Variants in DPYS observed in about 807,000 individuals in gnomAD.
DPYS encodes dihydropyrimidinase, also known as dihydropyrimidine amidohydrolase.
In DPYS, 39 loss-of-function variants were observed where a neutral mutation model predicts 50.3. The observed-to-expected ratio is 0.78, with a 90% CI of 0.60 to 1.01. The LOEUF (loss-of-function observed/expected upper bound fraction) is 1.01. Ranked by LOEUF, DPYS falls within the 50% of genes least tolerant of loss-of-function variation. The probability of loss-of-function intolerance (pLI) is 0.00; values close to 1 mark genes in which losing one functional copy is unlikely to be tolerated. For synonymous variants in DPYS, 245 were observed against 250.7 expected (o/e 0.98, Z 0.22); for missense variants, 659 against 680.9 (o/e 0.97, Z 0.36).
chr8:104,448,301 G>A (rs1026411337), intron 2 of DPYS, among the ~76,000 whole-genome samples: 9 of 151,872 alleles, frequency 5.9e-5, no homozygotes, highest in African/African-American at 9.7e-5. Context: ...GATTACAGGC[G>A]TGCACCACCA....
intron 1 of DPYS, among the ~76,000 whole-genome samples, chr8:104,461,216 C>A (rs1173729634): frequency 6.6e-6 from 1 of 150,924 alleles, no homozygotes; most frequent in African/African-American, 2.4e-5. Context: ...TTGCTTGAGC[C>A]CAGGAGGATG....
intron 6 of DPYS, among the ~76,000 whole-genome samples, chr8:104,425,301 C>T (rs1343338893): frequency 1.3e-5 from 2 of 151,314 alleles, no homozygotes; most frequent in Non-Finnish European, 2.9e-5. Context: ...GATCATGGCT[C>T]ACTGCAGCTT....
chr8:104,429,411 G>T, intron 5 of DPYS, 134 bp downstream of exon 5: 1 of 1,158,684 alleles, frequency 8.6e-7, no homozygotes, highest in Non-Finnish European at 1.3e-6. Context: ...CAGGTGAGGG[G>T]TACCCAGGAC....
intron 4 of DPYS, among the ~76,000 whole-genome samples, chr8:104,443,083 C>T (rs1206720547): frequency 6.6e-6 from 1 of 152,090 alleles, no homozygotes; most frequent in East Asian, 1.9e-4. Flanking sequence ...AAAAATACAG[C>T]CTGTTTTAAT....
At chr8:104,446,417 GT>G (rs1251299228) in intron 3 of DPYS, among the ~76,000 whole-genome samples, 1 of 152,128 alleles carries the variant, frequency 6.6e-6, no homozygotes, top group Non-Finnish European at 1.5e-5. Context: ...TATGTAATCA[GT>G]TTTACTTTTA....
intron 7 of DPYS, among the ~76,000 whole-genome samples, chr8:104,400,961 C>A (rs1032257828): frequency 1.3e-5 from 2 of 152,222 alleles, no homozygotes; most frequent in Non-Finnish European, 2.9e-5. Context: ...GCAGAGCCTG[C>A]AGGAGATAGC....
chr8:104,398,731 A>G (rs1402197725), intron 7 of DPYS, among the ~76,000 whole-genome samples: 4 of 152,222 alleles, frequency 2.6e-5, no homozygotes, highest in Admixed American at 6.5e-5. Context: ...TTAGCACAGT[A>G]TCTTAACACC....
At position 104,381,387 on chromosome 8, in the gene DPYS, T is replaced by C. The variant is rs1040913840; in HGVS notation, c.1444-73A>G. The C allele has an allele frequency of 3.2e-5, 43 of 1,327,568 alleles. No homozygotes were observed. In the East Asian group the frequency reaches 3.7e-4, roughly 11 times the overall value. 82.2% of individuals were successfully genotyped at this position (1,327,568 alleles called of 1,614,324 possible). On this transcript the variant is annotated intron_variant, in intron 8 of 9. Coordinates refer to ENST00000351513, the MANE Select transcript of DPYS (RefSeq NM_001385.3). Reference sequence around the variant, plus strand: ...TCAAAGTTAAGTGTAGCTCCCTTTATGAATTGCGAGAGCTTTAAAAAAAGA... The same window carrying C: ...TCAAAGTTAAGTGTAGCTCCCTTTACGAATTGCGAGAGCTTTAAAAAAAGA...
At chr8:104,434,601 C>A (rs568083613) in intron 4 of DPYS, among the ~76,000 whole-genome samples, 6 of 152,102 alleles carry the variant, frequency 3.9e-5, no homozygotes, top group African/African-American at 1.4e-4. Context: ...CAAAACCAAA[C>A]GAAATCAAAT....
At chr8:104,386,619 T>C (rs553247772) in intron 8 of DPYS, among the ~76,000 whole-genome samples, 26 of 151,630 alleles carry the variant, frequency 1.7e-4, no homozygotes, top group Non-Finnish European at 2.5e-4. Flanking sequence ...TTTTTTTTTT[T>C]CTTTTTATTT....
At chr8:104,418,174 G>T (rs901152562) in intron 7 of DPYS, among the ~76,000 whole-genome samples, 1 of 152,220 alleles carries the variant, frequency 6.6e-6, no homozygotes, top group African/African-American at 2.4e-5. Context: ...CGAATGGCCT[G>T]GCTGGAGCCA....
intron 4 of DPYS, among the ~76,000 whole-genome samples, chr8:104,435,184 G>T (rs771539312): frequency 4.6e-5 from 7 of 152,096 alleles, no homozygotes; most frequent in African/African-American, 7.2e-5. Flanking sequence ...TTTAAAAAGG[G>T]TCACTGAAGC....
chr8:104,384,887 A>G (rs915030865), intron 8 of DPYS, among the ~76,000 whole-genome samples: 2 of 152,184 alleles, frequency 1.3e-5, no homozygotes, highest in Non-Finnish European at 2.9e-5. Context: ...TGTTCTCCTG[A>G]TGGTCTTCCT....
chr8:104,389,675 C>T (rs1230525823), intron 8 of DPYS, among the ~76,000 whole-genome samples: 2 of 152,022 alleles, frequency 1.3e-5, no homozygotes, highest in South Asian at 2.1e-4. Context: ...ACTCAGCTTT[C>T]TATTCTGTAA....
In DPYS at chr8:104,429,659, G is replaced by C. The variant is rs752886253; in HGVS notation, c.836C>G (p.Thr279Arg). ...TTTATTCCAGTAGTGAGTGCCATCT[G>C]TGCCAAGACTGGCTGCTATGGGTTC... ...YGEPIAASLG[T>R]DGTHYWNKEW... Residue 279 changes from threonine to arginine, a missense_variant, in exon 5 of 10, where the codon ACA (threonine) becomes AGA (arginine). Physicochemically the swap from Thr to Arg is moderately conservative, Grantham distance 71. Transcript: ENST00000351513. The C allele has an allele frequency of 6.2e-7, 1 of 1,614,184 alleles. No homozygotes were observed. Among genetic ancestry groups the C allele is most frequent in the South Asian group, 1.1e-5 (1 of 91,088 alleles).
Position 104,444,315 on chromosome 8 carries a change from A to G in DPYS, c.726T>C (p.Cys242=). 6.2e-7 allele frequency: 1 copy of G among 1,614,216 alleles called. No homozygotes were observed. Among genetic ancestry groups the G allele is most frequent in the Non-Finnish European group, 8.5e-7 (1 of 1,180,046 alleles). The part of the protein sequence containing the change: ...RAITIASAVN[C]PLYIVHVMSK... ...TCATCACATGCACAATGTAGAGAGGACAGTTCACAGCGCTGGCTATGGTGA... is the reference window on the plus strand; with the variant it reads ...TCATCACATGCACAATGTAGAGAGGGCAGTTCACAGCGCTGGCTATGGTGA... The change falls in exon 4 of 10, where the codon TGT becomes TGC. Residue 242 remains cysteine, a synonymous_variant. Coordinates refer to ENST00000351513, the MANE Select transcript of DPYS (RefSeq NM_001385.3).
intron 1 of DPYS, among the ~76,000 whole-genome samples, chr8:104,466,344 A>G (rs1189772962): frequency 1.3e-5 from 2 of 152,168 alleles, no homozygotes; most frequent in Non-Finnish European, 1.5e-5. Flanking sequence ...AGATTTGGGG[A>G]GTAAGCGGTA....
intron 7 of DPYS, among the ~76,000 whole-genome samples, chr8:104,415,027 C>T (rs1812319113): frequency 6.6e-6 from 1 of 152,224 alleles, no homozygotes; most frequent in Admixed American, 6.5e-5. Context: ...AAACACGGCT[C>T]TTGAACCAGT....
chr8:104,381,887 CACACAG>C (rs1811064509), intron 8 of DPYS, among the ~76,000 whole-genome samples: 8 of 149,170 alleles, frequency 5.4e-5, no homozygotes, highest in Admixed American at 3.3e-4. Context: ...CACACACATA[CACACAG>C]ACAAATAACA....
Sources: allele counts gnomAD v4.1 joint callset (sites outside exome capture counted in the v4.1 genomes callset), GRCh38; gene constraint gnomAD v4.1.1; transcripts MANE v1.5; gene names NCBI Gene and HGNC (gene_info 2026-07-23, HGNC 2026-07-21).